MAP1A: variants seen among roughly 807,000 people sequenced by gnomAD.
The protein encoded by MAP1A is microtubule-associated protein 1A.
Under a neutral mutation model 185.9 loss-of-function variants are expected in MAP1A, and 42 were observed. That is an observed-to-expected ratio of 0.23 (90% CI 0.18 to 0.29). MAP1A has a LOEUF of 0.29. Ranked by LOEUF, MAP1A falls within the 10% of genes least tolerant of loss-of-function variation. MAP1A has a pLI of 1.00. For synonymous variants in MAP1A, 1,229 were observed against 1,335.9 expected (o/e 0.92, Z 1.74); for missense variants, 2,995 against 3,450.4 (o/e 0.87, Z 3.31).
At position 43,525,116 on chromosome 15, in the gene MAP1A, A is replaced by G; in HGVS notation, c.3643A>G (p.Lys1215Glu). ...SKETSLDVSS[K>E]QLSPESLGTL... ...GGAGACCTCCCTGGATGTCTCTTCTAAGCAGCTCTCTCCAGAAAGCCTTGG... is the reference window on the plus strand; with the variant it reads ...GGAGACCTCCCTGGATGTCTCTTCTGAGCAGCTCTCTCCAGAAAGCCTTGG... The change falls in exon 4 of 6, where the codon AAG becomes GAG. Residue 1215 changes from lysine (K) to glutamate (E), a missense_variant. Coordinates refer to ENST00000300231, the MANE Select transcript of MAP1A (RefSeq NM_002373.6). 1.2e-6 allele frequency: 2 copies of G among 1,614,184 alleles called. No homozygotes were observed. The highest frequency in any genetic ancestry group is 1.7e-6 in the Non-Finnish European group (2 of 1,180,036).
Position 43,526,530 on chromosome 15 carries a change from G to A in MAP1A, c.5057G>A (p.Arg1686Lys). Residue 1686 changes from arginine (R) to lysine (K), a missense_variant, in exon 4 of 6, where the codon AGA becomes AAA. Around this residue, in one of 3 missense-constraint regions of MAP1A, gnomAD observed 2,728 missense variants for 2,986.0 expected, o/e 0.91. Transcript: ENST00000300231. This position sits in a 1 kb window ranked among gnomAD's most constrained non-coding sequence, Gnocchi z 4.7. ...CAGGACAATAGGTATTGGAGGGGCA[G>A]AGAGGATGTGGCCTTGGAACAGGAC... ...PEQDNRYWRGREDVALEQDTY... is the reference protein window; with the variant it reads ...PEQDNRYWRGKEDVALEQDTY... 6.2e-7 allele frequency: 1 copy of A among 1,614,180 alleles called. No homozygotes were observed. The highest frequency in any genetic ancestry group is 1.1e-5 in the South Asian group (1 of 91,080).
chr15:43,528,280 A>C lies in MAP1A; in HGVS notation c.6807A>C (p.Ser2269=). 6.2e-7 allele frequency: 1 copy of C among 1,613,934 alleles called. No individual in the cohort carries two copies. The highest frequency in any genetic ancestry group is 8.5e-7 in the Non-Finnish European group (1 of 1,179,998). ...CTGAGGCTACCACGCCTGTGATTTC[A>C]AGTGTGGCGGAGCGCTTCTCTCCAA... ...SSSEATTPVI[S]SVAERFSPSL... The change falls in exon 4 of 6, where the codon TCA becomes TCC. Residue 2269 remains serine, a synonymous_variant. Transcript: ENST00000300231.
In MAP1A at chr15:43,525,342, C is replaced by G. The variant is rs757899270; in HGVS notation, c.3869C>G (p.Ala1290Gly). ...GACAGCCTTGACAGGAAGTCACCTGCCAGCTCATTCTCTCACTCTACACCT... is the reference window on the plus strand; with the variant it reads ...GACAGCCTTGACAGGAAGTCACCTGGCAGCTCATTCTCTCACTCTACACCT... ...TDDSLDRKSP[A>G]SSFSHSTPSG... The change falls in exon 4 of 6, where the codon GCC becomes GGC. Residue 1290 changes from alanine (A) to glycine (G), a missense_variant. Transcript: ENST00000300231. 5.0e-6 allele frequency: 8 copies of G among 1,614,024 alleles called. No homozygotes were observed. Among genetic ancestry groups the G allele is most frequent in the African/African-American group, 1.3e-5 (1 of 75,020 alleles).
Position 43,521,971 on chromosome 15 carries a change from A to G in MAP1A, c.498A>G (p.Leu166=). ...IEEACLTLQH[L]NRLGIQAEPL... is the part of the protein sequence containing the mutation. ...AGGCCTGCCTCACTCTGCAGCACTT[A>G]AACCGCCTGGGCATCCAGGCTGAGC... The change falls in exon 4 of 6, where the codon TTA becomes TTG. Residue 166 remains leucine (L), a synonymous_variant. Transcript: ENST00000300231. This position sits in a 1 kb window ranked among gnomAD's most constrained non-coding sequence, Gnocchi z 4.6. 6.2e-7 allele frequency: 1 copy of G among 1,601,850 alleles called. No individual in the cohort carries two copies. Among genetic ancestry groups the G allele is most frequent in the Non-Finnish European group, 8.6e-7 (1 of 1,169,326 alleles).
chr15:43,524,086 A>G lies in MAP1A; in HGVS notation c.2613A>G (p.Thr871=), dbSNP rs764015330. 8.5e-5 allele frequency: 137 copies of G among 1,613,988 alleles called. No homozygotes were observed. The highest frequency in any genetic ancestry group is 1.1e-4 in the Non-Finnish European group (131 of 1,180,036). Residue 871 remains threonine (T), a synonymous_variant, in exon 4 of 6, where the codon ACA becomes ACG. Transcript: ENST00000300231. ...ETGKSSLLLD[T]VTSIPSSRTE... is the part of the protein sequence containing the mutation. Reference sequence around the variant, plus strand: ...GCAAGAGCTCCCTGCTGCTTGACACAGTCACAAGCATCCCTTCCTCCCGTA... The same window carrying G: ...GCAAGAGCTCCCTGCTGCTTGACACGGTCACAAGCATCCCTTCCTCCCGTA...
Position 43,528,618 on chromosome 15 carries a change from C to G in MAP1A, c.7145C>G (p.Ala2382Gly). Reference protein sequence around the residue: ...PAPAKAENEEAAACPAWERGA... With the variant: ...PAPAKAENEEGAACPAWERGA... ...CCAGCCAAGGCTGAAAATGAAGAGG[C>G]TGCGGCTTGCCCTGCCTGGGAACGT... is the stretch of plus-strand genomic sequence containing the variant. Residue 2382 changes from alanine to glycine, a missense_variant, in exon 4 of 6, where the codon GCT becomes GGT. Physicochemically the swap from Ala to Gly is moderately conservative, Grantham distance 60. Transcript: ENST00000300231. 6.2e-7 allele frequency: 1 copy of G among 1,613,676 alleles called. No homozygotes were observed. Among genetic ancestry groups the G allele is most frequent in the Non-Finnish European group, 8.5e-7 (1 of 1,179,958 alleles).
At position 43,528,284 on chromosome 15, in the gene MAP1A, G is replaced by A. The variant is rs1338285618; in HGVS notation, c.6811G>A (p.Val2271Met). The change falls in exon 4 of 6, where the codon GTG (valine) becomes ATG (methionine). Residue 2271 changes from valine to methionine, a missense_variant. This residue lies in a region of MAP1A where 2,728 missense variants were observed against 2,986.0 expected (regional missense o/e 0.91). Transcript: ENST00000300231. ...SEATTPVISS[V>M]AERFSPSLEA... ...GGCTACCACGCCTGTGATTTCAAGT[G>A]TGGCGGAGCGCTTCTCTCCAAGCCT... is the stretch of plus-strand genomic sequence containing the variant. The A allele has an allele frequency of 6.2e-7, 1 of 1,613,940 alleles. No individual in the cohort carries two copies. The highest frequency in any genetic ancestry group is 8.5e-7 in the Non-Finnish European group (1 of 1,180,048).
rs527246685 is a variant in MAP1A, at chr15:43,529,896, G to A, written c.8256+26G>A. 1 of 1,606,562 alleles carries A rather than the reference G, an allele frequency of 6.2e-7. No homozygotes were observed. The highest frequency in any genetic ancestry group is 1.3e-5 in the African/African-American group (1 of 74,944). ...GTGAGTAGCAAAGGACACCAAGGAA[G>A]TAGTCTGGTCAACGCTCACTCAGAG... On this transcript the variant is annotated intron_variant, in intron 5 of 5. Coordinates refer to ENST00000300231, the MANE Select transcript of MAP1A (RefSeq NM_002373.6). The surrounding 1 kb of genome is among the most constrained non-coding windows in gnomAD (Gnocchi z 4.3).
rs746006233 is a variant in MAP1A, at chr15:43,524,663, G to T, written c.3190G>T (p.Val1064Phe). The change falls in exon 4 of 6, where the codon GTT becomes TTT. Residue 1064 changes from valine to phenylalanine, a missense_variant. This residue lies in a region of MAP1A where 2,728 missense variants were observed against 2,986.0 expected (regional missense o/e 0.91). Transcript: ENST00000300231. ...EEGTLEKEEK[V>F]PPPRSPQAQE... is the part of the protein sequence containing the mutation. ...GGGCACACTAGAGAAGGAAGAGAAAGTTCCTCCTCCCAGGAGCCCCCAGGC... is the reference window on the plus strand; with the variant it reads ...GGGCACACTAGAGAAGGAAGAGAAATTTCCTCCTCCCAGGAGCCCCCAGGC... The T allele has an allele frequency of 3.7e-6, 6 of 1,613,994 alleles. No homozygotes were observed. The highest frequency in any genetic ancestry group is 5.1e-6 in the Non-Finnish European group (6 of 1,180,010).
At position 43,529,234 on chromosome 15, in the gene MAP1A, A is replaced by C; in HGVS notation, c.7761A>C (p.Ser2587=). 3.7e-6 allele frequency: 6 copies of C among 1,609,372 alleles called. No individual in the cohort carries two copies. The highest frequency in any genetic ancestry group is 5.1e-6 in the Non-Finnish European group (6 of 1,178,018). ...TGGCTGACCCCGAGGGGCTCAGCTC[A>C]GAGTCTGGGAGAGTAGAGAGGCTAC... The part of the protein sequence containing the change: ...VCMADPEGLS[S]ESGRVERLRE... Residue 2587 remains serine, a synonymous_variant, in exon 4 of 6, where the codon TCA becomes TCC. Transcript: ENST00000300231. This position sits in a 1 kb window ranked among gnomAD's most constrained non-coding sequence, Gnocchi z 4.3.
chr15:43,518,712 C>CG (rs927395859), intron 1 of MAP1A, among the ~76,000 whole-genome samples: 6 of 132,918 alleles, frequency 4.5e-5, no homozygotes, highest in South Asian at 2.6e-4. Flanking sequence ...CAGCCCACCC[C>CG]CCCCCGCAAC....
In MAP1A at chr15:43,530,516, T is replaced by A; in HGVS notation, c.*292T>A. On this transcript the variant is annotated 3_prime_UTR_variant, in exon 6 of 6. Coordinates refer to ENST00000300231, the MANE Select transcript of MAP1A (RefSeq NM_002373.6). ...TCCTAGCACTGTCAAATGCTGGTAT[T>A]GAATGGGGACTGAGGATGGGTCTCA... is the stretch of plus-strand genomic sequence containing the variant. 1 of 365,702 alleles carries A rather than the reference T, an allele frequency of 2.7e-6. No individual in the cohort carries two copies. Among genetic ancestry groups the A allele is most frequent in the Non-Finnish European group, 5.0e-6 (1 of 200,152 alleles). 22.7% of individuals were successfully genotyped at this position (365,702 alleles called of 1,614,324 possible).
rs764468809 is a variant in MAP1A, at chr15:43,522,871, C to T, written c.1398C>T (p.Pro466=). ...AGATTTCCAAGCCAGACCTAAAGCC[C>T]TTTACTCCTGAGGTACGTAAGACCC... is the stretch of plus-strand genomic sequence containing the variant. ...LKKISKPDLK[P]FTPEVRKTLY... is the part of the protein sequence containing the mutation. Residue 466 remains proline, a synonymous_variant, in exon 4 of 6, where the codon CCC becomes CCT. Coordinates refer to ENST00000300231, the MANE Select transcript of MAP1A (RefSeq NM_002373.6). The surrounding 1 kb of genome is among the most constrained non-coding windows in gnomAD (Gnocchi z 5.9). The T allele has an allele frequency of 1.2e-6, 2 of 1,609,790 alleles. No homozygotes were observed. Among genetic ancestry groups the T allele is most frequent in the Non-Finnish European group, 1.7e-6 (2 of 1,177,824 alleles).
rs1235957108 is a variant in MAP1A, at chr15:43,524,748, C to T, written c.3275C>T (p.Pro1092Leu). Residue 1092 changes from proline to leucine, a missense_variant, in exon 4 of 6, where the codon CCA becomes CTA. By Grantham distance (98) the Pro-to-Leu change is moderately conservative. Around this residue, in one of 3 missense-constraint regions of MAP1A, gnomAD observed 2,728 missense variants for 2,986.0 expected, o/e 0.91. Transcript: ENST00000300231. ...ACAGGCTGTACCATTCAACTGTTGC[C>T]AGCACAGGATAAAGCAATAGTCTTT... ...GLTGCTIQLL[P>L]AQDKAIVFEI... is the part of the protein sequence containing the mutation. The T allele has an allele frequency of 6.2e-7, 1 of 1,613,950 alleles. No individual in the cohort carries two copies. Among genetic ancestry groups the T allele is most frequent in the Non-Finnish European group, 8.5e-7 (1 of 1,179,998 alleles).
At chr15:43,514,095 G>A (rs2079290661), upstream of MAP1A, among the ~76,000 whole-genome samples, 1 of 152,202 alleles carries the variant, frequency 6.6e-6, no homozygotes, top group Non-Finnish European at 1.5e-5. Flanking sequence ...GTTATTCTCA[G>A]GCACTTCTTA....
rs377409581 is a variant in MAP1A at position 43,529,517 on chromosome 15, A to G, written c.8035+9A>G. On this transcript the variant is annotated intron_variant, in intron 4 of 5. Transcript: ENST00000300231. This position sits in a 1 kb window ranked among gnomAD's most constrained non-coding sequence, Gnocchi z 4.3. ...ACTCAAGGCAGGACCAAGTAAGTAT[A>G]TCATGAAACTTGGCAGAGAGTGTGG... is the stretch of plus-strand genomic sequence containing the variant. 196 of 1,601,250 alleles carry G rather than the reference A, an allele frequency of 1.2e-4. 1 individual carries two copies. In the African/African-American group the frequency reaches 1.4e-3, roughly 11 times the overall value.
Position 43,530,524 on chromosome 15 carries a change from G to A in MAP1A, c.*300G>A. On this transcript the variant is annotated 3_prime_UTR_variant, in exon 6 of 6. Coordinates refer to ENST00000300231, the MANE Select transcript of MAP1A (RefSeq NM_002373.6). ...CTGTCAAATGCTGGTATTGAATGGG[G>A]ACTGAGGATGGGTCTCAGAGAGCAA... 2.9e-6 allele frequency: 1 copy of A among 339,316 alleles called. No homozygotes were observed. The highest frequency in any genetic ancestry group is 4.9e-5 in the South Asian group (1 of 20,614). The allele number at this position is 339,316 out of a possible 1,614,324, so 21.0% of individuals were successfully genotyped here.
chr15:43,510,968 T>A, exon 1 of MAP1A: 1 of 1,505,910 alleles, frequency 6.6e-7, no homozygotes, highest in East Asian at 2.5e-5. Context: ...GCTGCCGGAC[T>A]AACACTCCGC....
rs563997383 is a variant in MAP1A, at chr15:43,524,485, T to G, written c.3012T>G (p.Ser1004Arg). 1.2e-5 allele frequency: 19 copies of G among 1,614,128 alleles called. No individual in the cohort carries two copies. In the East Asian group the frequency reaches 4.0e-4, roughly 34 times the overall value. Reference protein sequence around the residue: ...MASPPPSGPPSATHTPFHQSP... With the variant: ...MASPPPSGPPRATHTPFHQSP... Reference sequence around the variant, plus strand: ...CTCCTCCACCATCTGGCCCACCCAGTGCCACCCACACACCCTTTCATCAGT... The same window carrying G: ...CTCCTCCACCATCTGGCCCACCCAGGGCCACCCACACACCCTTTCATCAGT... The change falls in exon 4 of 6, where the codon AGT (serine) becomes AGG (arginine). Residue 1004 changes from serine to arginine, a missense_variant. Ser to Arg is a moderately radical substitution (Grantham distance 110). Transcript: ENST00000300231.
Sources: allele counts gnomAD v4.1 joint callset (sites outside exome capture counted in the v4.1 genomes callset), GRCh38; gene constraint gnomAD v4.1.1; regional missense constraint gnomAD v4.1.1; non-coding constraint Gnocchi (gnomAD v3.1); transcripts MANE v1.5; gene names NCBI Gene and HGNC (gene_info 2026-07-23, HGNC 2026-07-21).